Variants in WDPCP observed in about 807,000 individuals in gnomAD.
WDPCP encodes the protein WD repeat-containing and planar cell polarity effector protein fritz homolog.
A neutral mutation model predicts 93.1 loss-of-function variants in WDPCP; 71 were observed. The observed-to-expected ratio is 0.76, with a 90% CI of 0.63 to 0.93. WDPCP has a LOEUF of 0.93. Among genes scored for constraint, WDPCP ranks in the 40% least tolerant of loss-of-function variants. The probability of loss-of-function intolerance (pLI) is 0.00; values close to 1 mark genes in which losing one functional copy is unlikely to be tolerated. For missense variants in WDPCP, 844 were observed against 887.4 expected (o/e 0.95, Z 0.62); for synonymous variants, 315 against 315.0 (o/e 1.00, Z 0.00).
rs545577302 is a variant in WDPCP at position 63,618,032 on chromosome 2, GT to G, written n.488+32626del. On this transcript the variant is annotated intron_variant and non_coding_transcript_variant, in intron 3 of 4. Transcript: ENST00000467687. ...ATCTGTACTGTTTGTTTTCTCTTAT[GT>G]TTTTTTTCCATTGATAAAAAAATGC... is the stretch of plus-strand genomic sequence containing the variant. 2.1e-4 allele frequency among the ~76,000 whole-genome samples: 32 copies of G among 151,710 alleles called. No individual in the cohort carries two copies. The South Asian group carries it at 3.1e-3, about 15-fold the overall frequency.
chr2:63,500,903 G>T (rs1376319720), intron 1 of WDPCP, among the ~76,000 whole-genome samples: 2 of 152,080 alleles, frequency 1.3e-5, no homozygotes, highest in African/African-American at 4.8e-5. Flanking sequence ...AAATGTTCTA[G>T]CTCCCTTAGT....
intron 6 of WDPCP, among the ~76,000 whole-genome samples, chr2:63,477,483 T>C (rs1700037182): frequency 6.6e-6 from 1 of 152,082 alleles, no homozygotes; most frequent in Non-Finnish European, 1.5e-5. Flanking sequence ...AGGTAAGTCT[T>C]GATTTGAAAA....
chr2:63,662,897 T>G (rs994705684), intron 2 of WDPCP, among the ~76,000 whole-genome samples: 1 of 152,138 alleles, frequency 6.6e-6, no homozygotes, highest in Non-Finnish European at 1.5e-5. Flanking sequence ...CAACAGTAGG[T>G]AGTCAGTAAA....
intron 6 of WDPCP, chr2:63,442,656 C>T (rs1165585602): frequency 1.3e-5 from 2 of 152,186 alleles, no homozygotes; most frequent in Non-Finnish European, 2.9e-5. Flanking sequence ...TTTGTTGCCT[C>T]TCCCATTGGC....
intron 17 of WDPCP, among the ~76,000 whole-genome samples, chr2:63,144,895 G>T (rs1671371930): frequency 6.6e-6 from 1 of 152,188 alleles, no homozygotes; most frequent in South Asian, 2.1e-4. Flanking sequence ...CTCTATCAGA[G>T]GGAAGGTTTA....
At chr2:63,149,023 G>C (rs181179020) in intron 17 of WDPCP, among the ~76,000 whole-genome samples, 1 of 152,222 alleles carries the variant, frequency 6.6e-6, no homozygotes, top group East Asian at 1.9e-4. Flanking sequence ...AGGTATAATG[G>C]TGCATTCTTG....
In WDPCP at chr2:63,174,848, A is replaced by C; in HGVS notation, c.1916-16T>G. 2 of 1,612,158 alleles carry C rather than the reference A, an allele frequency of 1.2e-6. No homozygotes were observed. Among genetic ancestry groups the C allele is most frequent in the Non-Finnish European group, 1.7e-6 (2 of 1,178,420 alleles). On this transcript the variant is annotated splice_polypyrimidine_tract_variant and intron_variant, in intron 14 of 17. Transcript: ENST00000272321. ...CCCAGGAGTTCTGTTGAAAATGATT[A>C]ATATGTGAGTGAAATACTAAGTACA...
Position 63,404,618 on chromosome 2 carries a change from C to A in WDPCP, c.865G>T (p.Val289Phe), listed in dbSNP as rs1694423160. The change falls in exon 10 of 18, where the codon GTT (valine) becomes TTT (phenylalanine). Residue 289 changes from valine to phenylalanine, a missense_variant. By Grantham distance (50) the Val-to-Phe change is conservative. Transcript: ENST00000272321. ...SVRTEWDPLDVRFGTKQPYQV... is the reference protein window; with the variant it reads ...SVRTEWDPLDFRFGTKQPYQV... ...TAAGGCTGTTTGGTGCCAAAGCGAACATCCAGTGGGTCCCATTCTGTGCGG... is the reference window on the plus strand; with the variant it reads ...TAAGGCTGTTTGGTGCCAAAGCGAAAATCCAGTGGGTCCCATTCTGTGCGG... 1 of 1,614,000 alleles carries A rather than the reference C, an allele frequency of 6.2e-7. No homozygotes were observed. The highest frequency in any genetic ancestry group is 1.3e-5 in the African/African-American group (1 of 74,938).
At chr2:63,215,091 A>G (rs1652652752) in intron 14 of WDPCP, among the ~76,000 whole-genome samples, 1 of 152,200 alleles carries the variant, frequency 6.6e-6, no homozygotes, top group South Asian at 2.1e-4. Context: ...TCAAGCTACC[A>G]ATGACTTTCC....
chr2:63,403,870 G>T (rs1315718222), intron 10 of WDPCP, 178 bp downstream of exon 10: 7 of 784,272 alleles, frequency 8.9e-6, no homozygotes, highest in Non-Finnish European at 1.4e-5. Flanking sequence ...AATATCTAGT[G>T]TTCCTTTGGC....
intron 1 of WDPCP, among the ~76,000 whole-genome samples, chr2:63,559,716 T>C (rs1706442834): frequency 1.3e-5 from 2 of 151,984 alleles, no homozygotes; most frequent in Admixed American, 1.3e-4. Flanking sequence ...TTTAACATAA[T>C]GGTTAACAAG....
At chr2:63,695,394 G>A (rs1668949680) in intron 2 of WDPCP, among the ~76,000 whole-genome samples, 2 of 152,140 alleles carry the variant, frequency 1.3e-5, no homozygotes, top group Non-Finnish European at 2.9e-5. Flanking sequence ...ATCCTGCCAT[G>A]CAGGACAACC....
At chr2:63,322,903 C>T (rs963178215) in intron 12 of WDPCP, among the ~76,000 whole-genome samples, 1 of 152,220 alleles carries the variant, frequency 6.6e-6, no homozygotes, top group East Asian at 1.9e-4. Flanking sequence ...ATACCAGGCA[C>T]CTGTCGGCCA....
At position 63,637,925 on chromosome 2, in the gene WDPCP, C is replaced by T. The variant is rs1709938825; in HGVS notation, n.488+12734G>A. Reference sequence around the variant, plus strand: ...AAACTTCTATATAATCCAGCAATCCCAAGTCTGAGTATAGCTCTGAAGTCA... The same window carrying T: ...AAACTTCTATATAATCCAGCAATCCTAAGTCTGAGTATAGCTCTGAAGTCA... On this transcript the variant is annotated intron_variant and non_coding_transcript_variant, in intron 3 of 4. Transcript: ENST00000467687. Among the ~76,000 whole-genome samples the T allele has an allele frequency of 1.3e-5, 2 of 152,122 alleles. 1 individual carries two copies. The highest frequency in any genetic ancestry group is 1.3e-4 in the Admixed American group (2 of 15,270).
intron 14 of WDPCP, among the ~76,000 whole-genome samples, chr2:63,251,385 C>T (rs1680700237): frequency 6.6e-6 from 1 of 151,794 alleles, no homozygotes; most frequent in South Asian, 2.1e-4. Flanking sequence ...AGATAAATTC[C>T]TGGAAACACA....
At position 63,793,696 on chromosome 2, in the gene WDPCP, C is replaced by T. The variant is rs905303074; in HGVS notation, n.308+19926G>A. On this transcript the variant is annotated intron_variant and non_coding_transcript_variant, in intron 2 of 4. Transcript: ENST00000467687. ...ATCTTAATAGCTATACATGCATCCC[C>T]GATAGTCACAGGTCTGACTGAAAAT... is the stretch of plus-strand genomic sequence containing the variant. Among the ~76,000 whole-genome samples the T allele has an allele frequency of 5.9e-5, 9 of 151,998 alleles. 1 individual carries two copies. The highest frequency in any genetic ancestry group is 1.4e-4 in the African/African-American group (6 of 41,382).
chr2:63,283,930 A>G (rs1306337265), intron 13 of WDPCP, among the ~76,000 whole-genome samples: 2 of 152,224 alleles, frequency 1.3e-5, no homozygotes, highest in East Asian at 3.8e-4. Context: ...GGTGATACAA[A>G]GCTGAGAGGA....
chr2:63,833,557 A>G, the WDPCP span, among the ~76,000 whole-genome samples: 3 of 152,174 alleles, frequency 2.0e-5, no homozygotes, highest in Non-Finnish European at 4.4e-5. Context: ...TTTTGTGGAG[A>G]TTCTTTTGAA....
chr2:63,160,698 A>G (rs1381836794), intron 15 of WDPCP, among the ~76,000 whole-genome samples: 1 of 152,214 alleles, frequency 6.6e-6, no homozygotes, highest in African/African-American at 2.4e-5. Flanking sequence ...AAACTTATAA[A>G]TGCAGAAGGA....
Sources: gnomAD v4.1 joint callset for allele counts (sites outside exome capture counted in the v4.1 genomes callset) on GRCh38, gnomAD v4.1.1 for gene constraint, MANE v1.5 for transcripts, NCBI Gene and HGNC (gene_info 2026-07-23, HGNC 2026-07-21) for gene names.